The following JAKMIP2 variants were observed in gnomAD, a reference collection of about 807,000 sequenced individuals.
JAKMIP2 encodes the protein janus kinase and microtubule interacting protein 2, also known as janus kinase and microtubule-interacting protein 2.
JAKMIP2 carries 25 observed loss-of-function variants against 115.0 expected under a neutral mutation model. The ratio of observed to expected loss-of-function variants is 0.22; its 90% CI spans 0.16 to 0.30. JAKMIP2 has a LOEUF of 0.30. Among genes scored for constraint, JAKMIP2 ranks in the 10% least tolerant of loss-of-function variants. The probability of loss-of-function intolerance (pLI) is 1.00; values close to 1 mark genes in which losing one functional copy is unlikely to be tolerated. For synonymous variants in JAKMIP2, 334 were observed against 343.6 expected (o/e 0.97, Z 0.31); for missense variants, 642 against 957.6 (o/e 0.67, Z 4.35).
At chr5:147,670,505 C>A (rs1236558199) in intron 2 of JAKMIP2, among the ~76,000 whole-genome samples, 1 of 152,118 alleles carries the variant, frequency 6.6e-6, no homozygotes, top group South Asian at 2.1e-4. Flanking sequence ...GATATTCATA[C>A]CACCTTGGTG....
chr5:147,761,834 CATA>C (rs1031593677), intron 1 of JAKMIP2, among the ~76,000 whole-genome samples: 3 of 151,928 alleles, frequency 2.0e-5, no homozygotes, highest in African/African-American at 4.8e-5. Context: ...GTTAAATTAT[CATA>C]ATAATAAAAG....
intron 20 of JAKMIP2, among the ~76,000 whole-genome samples, chr5:147,605,569 T>C (rs1755964007): frequency 6.6e-6 from 1 of 152,192 alleles, no homozygotes; most frequent in Non-Finnish European, 1.5e-5. Context: ...GTTCCAAGTC[T>C]TTGTTATTGT....
Position 147,711,808 on chromosome 5 carries a change from T to C in JAKMIP2, c.-148-39854A>G, listed in dbSNP as rs139188585. 3.5e-3 allele frequency among the ~76,000 whole-genome samples: 532 copies of C among 152,246 alleles called. 2 individuals carry two copies. Among genetic ancestry groups the C allele is most frequent in the African/African-American group, 0.012 (491 of 41,548 alleles). The stretch of plus-strand genomic sequence containing the variant: ...TCAGCCTCTCCAGTAGCAAGGATTA[T>C]AGGCGCACACCACCACACCTGGCTA... On this transcript the variant is annotated intron_variant, in intron 1 of 21. Transcript: ENST00000616793.
At chr5:147,638,651 A>G (rs557383623) in intron 10 of JAKMIP2, among the ~76,000 whole-genome samples, 1 of 151,640 alleles carries the variant, frequency 6.6e-6, no homozygotes, top group African/African-American at 2.4e-5. Flanking sequence ...TCCTCAGTGC[A>G]TTGTAGACCC....
intron 21 of JAKMIP2, among the ~76,000 whole-genome samples, chr5:147,598,501 G>A (rs1278937441): frequency 1.3e-5 from 2 of 150,696 alleles, no homozygotes; most frequent in Admixed American, 6.6e-5. Context: ...TATGCTATTG[G>A]TTACCTCTCT....
intron 1 of JAKMIP2, among the ~76,000 whole-genome samples, chr5:147,672,296 G>A (rs144080491): frequency 6.6e-5 from 10 of 152,264 alleles, no homozygotes; most frequent in Non-Finnish European, 8.8e-5. Flanking sequence ...GAACATGGTC[G>A]TTAAAGGAAG....
intron 1 of JAKMIP2, among the ~76,000 whole-genome samples, chr5:147,692,377 T>C (rs1280460881): frequency 6.6e-6 from 1 of 152,198 alleles, no homozygotes; most frequent in Non-Finnish European, 1.5e-5. Context: ...TGTGAGAGGA[T>C]ACATTTCTGT....
At chr5:147,765,537 G>C (rs893243007) in intron 1 of JAKMIP2, among the ~76,000 whole-genome samples, 1 of 152,044 alleles carries the variant, frequency 6.6e-6, no homozygotes, top group African/African-American at 2.4e-5. Flanking sequence ...AAAAGACCAA[G>C]AGAACAAAGG....
intron 1 of JAKMIP2, among the ~76,000 whole-genome samples, chr5:147,735,681 T>G (rs1453730722): frequency 6.6e-6 from 1 of 152,202 alleles, no homozygotes; most frequent in East Asian, 1.9e-4. Flanking sequence ...GGCATCATCT[T>G]TCAAAAGTTT....
At chr5:147,746,764 A>G (rs923845352) in intron 1 of JAKMIP2, among the ~76,000 whole-genome samples, 6 of 152,170 alleles carry the variant, frequency 3.9e-5, no homozygotes, top group Non-Finnish European at 5.9e-5. Context: ...AAATTCTCAT[A>G]TATGTAACAT....
intron 1 of JAKMIP2, among the ~76,000 whole-genome samples, chr5:147,773,902 A>G (rs1261076675): frequency 6.6e-6 from 1 of 152,152 alleles, no homozygotes; most frequent in Non-Finnish European, 1.5e-5. Context: ...CATTCCTTCT[A>G]TGTGAAATTG....
Position 147,762,633 on chromosome 5 carries a change from C to A in JAKMIP2, c.-149+19823G>T, listed in dbSNP as rs532378084. ...CATGTCGTATTGGATTAGGACTCAA[C>A]CCTTATGACCTCATTTAACCTTAAT... On this transcript the variant is annotated intron_variant, in intron 1 of 21. Coordinates refer to ENST00000616793, the MANE Select transcript of JAKMIP2 (RefSeq NM_001270941.2). 3.3e-5 allele frequency among the ~76,000 whole-genome samples: 5 copies of A among 152,156 alleles called. No individual in the cohort carries two copies. In the East Asian group the frequency reaches 9.7e-4, roughly 29 times the overall value.
intron 1 of JAKMIP2, among the ~76,000 whole-genome samples, chr5:147,686,915 T>G (rs1294087480): frequency 6.6e-6 from 1 of 152,220 alleles, no homozygotes; most frequent in African/African-American, 2.4e-5. Flanking sequence ...TTAAGCTATT[T>G]CTATAGACAA....
chr5:147,726,541 G>C (rs113311098), intron 1 of JAKMIP2, among the ~76,000 whole-genome samples: 1 of 152,214 alleles, frequency 6.6e-6, no homozygotes, highest in Non-Finnish European at 1.5e-5. Context: ...AATGGGAAAA[G>C]AATTTGTGAG....
At chr5:147,630,035 G>C (rs544109077) in intron 14 of JAKMIP2, among the ~76,000 whole-genome samples, 1 of 152,180 alleles carries the variant, frequency 6.6e-6, no homozygotes, top group African/African-American at 2.4e-5. Flanking sequence ...GTATGAAAGA[G>C]TCTAGCATGT....
chr5:147,709,454 T>C (rs1195479622), intron 1 of JAKMIP2, among the ~76,000 whole-genome samples: 6 of 152,208 alleles, frequency 3.9e-5, no homozygotes, highest in Non-Finnish European at 2.9e-5. Context: ...GTATATATAC[T>C]GATGTATACA....
intron 21 of JAKMIP2, 71 bp from the exon 22 acceptor site, chr5:147,591,757 T>A (rs1443261076): frequency 3.1e-6 from 3 of 973,566 alleles, no homozygotes; most frequent in South Asian, 1.5e-5. Context: ...AAACAAACTT[T>A]AAAAAAAGAC....
intron 1 of JAKMIP2, among the ~76,000 whole-genome samples, chr5:147,709,958 A>G (rs1455831378): frequency 6.6e-6 from 1 of 152,150 alleles, no homozygotes; most frequent in East Asian, 1.9e-4. Flanking sequence ...TTATTTATCA[A>G]TGTGCATGCC....
At position 147,661,310 on chromosome 5, in the gene JAKMIP2, T is replaced by G. The variant is rs1758960476; in HGVS notation, c.265A>C (p.Arg89=). The G allele has an allele frequency of 1.2e-6, 2 of 1,613,874 alleles. No individual in the cohort carries two copies. The highest frequency in any genetic ancestry group is 3.3e-5 in the Admixed American group (2 of 59,990). The change falls in exon 3 of 22, where the codon AGG becomes CGG. Residue 89 remains arginine, a synonymous_variant. Coordinates refer to ENST00000616793, the MANE Select transcript of JAKMIP2 (RefSeq NM_001270941.2). ...EEKMKELQAV[R]ENLIKQHEQE... is the part of the protein sequence containing the mutation. ...TCGTGCTGCTTGATAAGGTTCTCCCTCACAGCCTGCAGCTCCTTCATCTTC... is the reference window on the plus strand; with the variant it reads ...TCGTGCTGCTTGATAAGGTTCTCCCGCACAGCCTGCAGCTCCTTCATCTTC...
Sources: gnomAD v4.1 joint callset for allele counts (sites outside exome capture counted in the v4.1 genomes callset) on GRCh38, gnomAD v4.1.1 for gene constraint, MANE v1.5 for transcripts, NCBI Gene and HGNC (gene_info 2026-07-23, HGNC 2026-07-21) for gene names.